SOD2: variants seen among roughly 807,000 people sequenced by gnomAD.
The protein encoded by SOD2 is superoxide dismutase 2, also known as superoxide dismutase [Mn], mitochondrial.
SOD2 carries 11 observed loss-of-function variants against 27.0 expected under a neutral mutation model. That is an observed-to-expected ratio of 0.41 (90% CI 0.26 to 0.67). SOD2 has a LOEUF of 0.67. Ranked by LOEUF, SOD2 falls within the 30% of genes least tolerant of loss-of-function variation. The pLI, the probability that SOD2 is intolerant of heterozygous loss-of-function variation, is 0.34. For synonymous variants in SOD2, 105 were observed against 103.0 expected (o/e 1.02, Z -0.12); for missense variants, 250 against 274.5 (o/e 0.91, Z 0.63).
At chr6:159,721,452 T>G (rs1038162911) in intron 1 of SOD2, among the ~76,000 whole-genome samples, 2 of 151,734 alleles carry the variant, frequency 1.3e-5, no homozygotes, top group Non-Finnish European at 2.9e-5. Flanking sequence ...CACCACAACC[T>G]CCATCTCCTG....
Position 159,693,225 on chromosome 6 carries a change from C to T in SOD2, c.-58G>A. ...CGATCTGCTGAAGCCGCTGCCGAAG[C>T]CACCACAGCCACGAGTGCCGCTCCT... On this transcript the variant is annotated 5_prime_UTR_variant, in exon 1 of 5. Transcript: ENST00000538183. 6.8e-7 allele frequency: 1 copy of T among 1,469,312 alleles called. No individual in the cohort carries two copies. Among genetic ancestry groups the T allele is most frequent in the East Asian group, 2.8e-5 (1 of 35,522 alleles). The allele number at this position is 1,469,312 out of a possible 1,614,324, so 91.0% of individuals were successfully genotyped here. A position where few individuals can be genotyped will look rare whatever the true frequency, so the allele number is the denominator to read the frequency against.
At chr6:159,739,896 C>T (rs760047796) in intron 1 of SOD2, among the ~76,000 whole-genome samples, 1 of 129,556 alleles carries the variant, frequency 7.7e-6, no homozygotes, top group Non-Finnish European at 1.6e-5. Flanking sequence ...CATTGCATAC[C>T]TTTGTCTTTC....
chr6:159,682,455 C>A lies in SOD2; in HGVS notation c.*38G>T. 6.3e-7 allele frequency: 1 copy of A among 1,595,468 alleles called. No homozygotes were observed. Among genetic ancestry groups the A allele is most frequent in the South Asian group, 1.1e-5 (1 of 87,538 alleles). ...TACTCTATACCACTACAAAAACAGTCATAAAGAGCTTAACATACTCAGCAT... is the reference window on the plus strand; with the variant it reads ...TACTCTATACCACTACAAAAACAGTAATAAAGAGCTTAACATACTCAGCAT... On this transcript the variant is annotated 3_prime_UTR_variant, in exon 5 of 5. Coordinates refer to ENST00000538183, the MANE Select transcript of SOD2 (RefSeq NM_000636.4).
At chr6:159,742,904 GAGTC>G (rs905848014) in intron 1 of SOD2, among the ~76,000 whole-genome samples, 27 of 151,344 alleles carry the variant, frequency 1.8e-4, no homozygotes, top group African/African-American at 6.5e-4. Flanking sequence ...AAAAAAAAAA[GAGTC>G]AGGAGGATCA....
At chr6:159,743,859 G>T in intron 1 of SOD2, 1 of 1,456,340 alleles carries the variant, frequency 6.9e-7, no homozygotes. Context: ...ATTATTACAT[G>T]TTAATTTTAA....
chr6:159,726,531 T>C (rs974216569), intron 1 of SOD2: 1 of 333,258 alleles, frequency 3.0e-6, no homozygotes, highest in African/African-American at 2.2e-5. Flanking sequence ...TTCTAGTAAG[T>C]GTTTAGAGAC....
chr6:159,684,747 G>T, intron 4 of SOD2, 107 bp downstream of exon 4: 1 of 854,912 alleles, frequency 1.2e-6, no homozygotes, highest in Non-Finnish European at 1.7e-6. Flanking sequence ...GTTAAGATTT[G>T]CAAATTATTA....
chr6:159,707,187 C>T (rs1222272952), intron 1 of SOD2, among the ~76,000 whole-genome samples: 1 of 151,626 alleles, frequency 6.6e-6, no homozygotes, highest in Non-Finnish European at 1.5e-5. Context: ...AAATTGATAC[C>T]CTAACATCAC....
Position 159,757,488 on chromosome 6 carries a change from C to T in SOD2, c.-336+3549G>A, listed in dbSNP as rs1263382214. 2.0e-5 allele frequency among the ~76,000 whole-genome samples: 3 copies of T among 151,478 alleles called. No homozygotes were observed. The East Asian group carries it at 5.8e-4, about 29-fold the overall frequency. On this transcript the variant is annotated intron_variant, in intron 1 of 7. Coordinates refer to the SOD2 transcript ENST00000546087. Reference sequence around the variant, plus strand: ...AGTGCAGTGGCACCATCGTGGCTCACTGCAACCTCCACCTCCCGGATTCAA... The same window carrying T: ...AGTGCAGTGGCACCATCGTGGCTCATTGCAACCTCCACCTCCCGGATTCAA...
upstream of SOD2, among the ~76,000 whole-genome samples, chr6:159,729,356 G>C (rs1258963864): frequency 6.6e-6 from 1 of 152,024 alleles, no homozygotes; most frequent in Non-Finnish European, 1.5e-5. Context: ...TAAATATTTT[G>C]CTTCTTGTAG....
At chr6:159,685,069 A>G (rs1185251280) in intron 3 of SOD2, 36 bp from the exon 4 acceptor site, 2 of 1,491,062 alleles carry the variant, frequency 1.3e-6, no homozygotes, top group Admixed American at 2.2e-5. Context: ...CCCACAAATG[A>G]ACAGATTTCA....
intron 1 of SOD2, among the ~76,000 whole-genome samples, chr6:159,734,212 C>A (rs191580847): frequency 1.8e-4 from 27 of 151,974 alleles, no homozygotes; most frequent in Non-Finnish European, 3.2e-4. Context: ...CAGGGTCTTA[C>A]CACATTGCCC....
At chr6:159,688,075 G>A (rs202198916) in intron 3 of SOD2, 51 bp downstream of exon 3, 4 of 984,290 alleles carry the variant, frequency 4.1e-6, no homozygotes, top group Non-Finnish European at 4.8e-6. Flanking sequence ...ATCAACAATC[G>A]ATTCCTACTG....
rs1257491737 is a variant in SOD2 at position 159,727,231 on chromosome 6, C to G, written c.-218G>C. ...GCTGCTCCATTGTGCCTCGAGGCCC[C>G]GATCGGGCTAGGCCGACGGCCTCCC... is the stretch of plus-strand genomic sequence containing the variant. On this transcript the variant is annotated 5_prime_UTR_variant, in exon 1 of 3. Coordinates refer to the SOD2 transcript ENST00000401980. 7.1e-6 allele frequency: 9 copies of G among 1,273,710 alleles called. No homozygotes were observed. The East Asian group carries it at 5.2e-4, about 73-fold the overall frequency. 78.9% of individuals were successfully genotyped at this position (1,273,710 alleles called of 1,614,324 possible).
chr6:159,712,791 T>C (rs1018162631), intron 1 of SOD2: 6 of 527,188 alleles, frequency 1.1e-5, no homozygotes, highest in African/African-American at 9.7e-5. Flanking sequence ...ATAACTAGAC[T>C]GGTTGGGTAA....
In SOD2 at chr6:159,691,329, G is replaced by A. The variant is rs542600323; in HGVS notation, c.226+1332C>T. 6.6e-5 allele frequency: 10 copies of A among 152,152 alleles called. No homozygotes were observed. In the East Asian group the frequency reaches 1.5e-3, roughly 23 times the overall value. 9.4% of individuals were successfully genotyped at this position (152,152 alleles called of 1,614,324 possible). A position where few individuals can be genotyped will look rare whatever the true frequency, so the allele number is the denominator to read the frequency against. On this transcript the variant is annotated intron_variant, in intron 2 of 4. Transcript: ENST00000538183. Reference sequence around the variant, plus strand: ...GGCCTTTTCCCGTAATTCAAGGTTCGTCTGTCTCAAGTAAATCTTCCAGAA... The same window carrying A: ...GGCCTTTTCCCGTAATTCAAGGTTCATCTGTCTCAAGTAAATCTTCCAGAA...
At chr6:159,714,789 G>C (rs1019056443) in intron 1 of SOD2, among the ~76,000 whole-genome samples, 3 of 152,138 alleles carry the variant, frequency 2.0e-5, no homozygotes, top group Non-Finnish European at 2.9e-5. Context: ...GGCTGGAGTA[G>C]AGCAGTTACT....
At chr6:159,750,019 CAT>C (rs1257305820), upstream of SOD2, among the ~76,000 whole-genome samples, 2 of 152,116 alleles carry the variant, frequency 1.3e-5, no homozygotes, top group Non-Finnish European at 2.9e-5. Context: ...TTGTAAGTAT[CAT>C]ATGTTTGTGC....
At chr6:159,732,886 AGTGTGTGTGTGTGTG>A (rs1354397555) in intron 1 of SOD2, among the ~76,000 whole-genome samples, 5 of 146,380 alleles carry the variant, frequency 3.4e-5, no homozygotes, top group Non-Finnish European at 7.4e-5. Flanking sequence ...ATATATATAT[AGTGTGTGTGTGTGTG>A]TGTGTGTGTG....
Sources: gnomAD v4.1 joint callset for allele counts (sites outside exome capture counted in the v4.1 genomes callset) on GRCh38, gnomAD v4.1.1 for gene constraint, MANE v1.5 for transcripts, NCBI Gene and HGNC (gene_info 2026-07-23, HGNC 2026-07-21) for gene names.